The following UBE4B variants were observed in gnomAD, a reference collection of about 807,000 sequenced individuals.
UBE4B encodes the protein ubiquitin conjugation factor E4 B.
UBE4B carries 27 observed loss-of-function variants against 148.1 expected under a neutral mutation model. The observed-to-expected ratio is 0.18, with a 90% CI of 0.13 to 0.25. The LOEUF is 0.25. Ranked by LOEUF, UBE4B falls within the 10% of genes least tolerant of loss-of-function variation. The pLI, the probability that UBE4B is intolerant of heterozygous loss-of-function variation, is 1.00. For synonymous variants in UBE4B, 596 were observed against 619.3 expected (o/e 0.96, Z 0.56); for missense variants, 1,170 against 1,662.4 (o/e 0.70, Z 5.15).
At chr1:10,097,894 G>A (rs1051610383) in intron 3 of UBE4B, among the ~76,000 whole-genome samples, 2 of 151,858 alleles carry the variant, frequency 1.3e-5, no homozygotes, top group East Asian at 1.9e-4. Flanking sequence ...TTTTGGAGAC[G>A]GAGTCTCACT....
At chr1:10,046,019 C>A (rs780211708) in intron 1 of UBE4B, among the ~76,000 whole-genome samples, 1 of 152,186 alleles carries the variant, frequency 6.6e-6, no homozygotes, top group Non-Finnish European at 1.5e-5. Context: ...TCATTAGGAG[C>A]CCAGGTGCCT....
At chr1:10,179,209 T>C (rs1490353223) in intron 26 of UBE4B, 3 of 597,558 alleles carry the variant, frequency 5.0e-6, no homozygotes, top group African/African-American at 1.9e-5. Flanking sequence ...CCCCCAGCAG[T>C]AGCTGACAAA....
At chr1:10,036,681 G>T (rs1001522748) in intron 1 of UBE4B, among the ~76,000 whole-genome samples, 1 of 151,932 alleles carries the variant, frequency 6.6e-6, no homozygotes, top group Admixed American at 6.6e-5. Flanking sequence ...TTGAGGTTAG[G>T]TAAGCAGTTC....
Position 10,168,101 on chromosome 1 carries a change from C to A in UBE4B, c.3199-35C>A. The A allele has an allele frequency of 6.3e-7, 1 of 1,597,458 alleles. No homozygotes were observed. On this transcript the variant is annotated intron_variant, in intron 23 of 27. Coordinates refer to ENST00000343090, the MANE Select transcript of UBE4B (RefSeq NM_001105562.3). This position sits in a 1 kb window ranked among gnomAD's most constrained non-coding sequence, Gnocchi z 4.9. Reference sequence around the variant, plus strand: ...GCTTTGCTGAGCTGATGACCAGGACCGAGCCTTACTCAGCGTCTGTTCGAT... The same window carrying A: ...GCTTTGCTGAGCTGATGACCAGGACAGAGCCTTACTCAGCGTCTGTTCGAT...
intron 5 of UBE4B, among the ~76,000 whole-genome samples, chr1:10,103,840 A>G (rs1264223272): frequency 1.3e-5 from 2 of 151,888 alleles, no homozygotes; most frequent in Admixed American, 1.3e-4. Flanking sequence ...GTTGGCCAGG[A>G]CGGTCTCGAT....
At chr1:10,066,457 A>G (rs1644390310) in intron 1 of UBE4B, among the ~76,000 whole-genome samples, 1 of 151,908 alleles carries the variant, frequency 6.6e-6, no homozygotes, top group Admixed American at 6.6e-5. Flanking sequence ...GAAACTGATG[A>G]ATTTTAGATC....
intron 25 of UBE4B, among the ~76,000 whole-genome samples, chr1:10,173,959 G>A (rs986511598): frequency 3.9e-5 from 6 of 152,188 alleles, no homozygotes; most frequent in African/African-American, 1.4e-4. Context: ...GTGGCCTCTG[G>A]TGGCACCTGG....
rs541514285 is a variant in UBE4B, at chr1:10,135,957, C to G, written c.2224+771C>G. On this transcript the variant is annotated intron_variant, in intron 16 of 27. Coordinates refer to ENST00000343090, the MANE Select transcript of UBE4B (RefSeq NM_001105562.3). ...ATAATTCTACTTTTCAGGTTATATT[C>G]CCAAAGTTGGAGGAAAAAGGAATAA... is the stretch of plus-strand genomic sequence containing the variant. Among the ~76,000 whole-genome samples the G allele has an allele frequency of 9.5e-4, 144 of 151,844 alleles. 1 individual carries two copies. The highest frequency in any genetic ancestry group is 3.7e-3 in the South Asian group (18 of 4,804).
chr1:10,111,038 GTCTCTGACAC>G (rs1645209514), intron 7 of UBE4B, among the ~76,000 whole-genome samples: 2 of 98,478 alleles, frequency 2.0e-5, no homozygotes, highest in South Asian at 3.2e-4. Context: ...GTCTTTCTCT[GTCTCTGACAC>G]ACACACACAC....
At chr1:10,178,876 C>T in intron 26 of UBE4B, 58 bp downstream of exon 26, 3 of 1,526,710 alleles carry the variant, frequency 2.0e-6, no homozygotes, top group Non-Finnish European at 2.6e-6. Context: ...AAATCGATAA[C>T]ATTACAAGAG....
intron 25 of UBE4B, among the ~76,000 whole-genome samples, chr1:10,177,587 T>C (rs1234945141): frequency 6.6e-6 from 1 of 152,116 alleles, no homozygotes; most frequent in Non-Finnish European, 1.5e-5. Flanking sequence ...GCCCAGGAGT[T>C]TGAGGCTGCA....
intron 1 of UBE4B, among the ~76,000 whole-genome samples, chr1:10,036,904 A>C (rs923045613): frequency 3.3e-5 from 5 of 152,216 alleles, no homozygotes; most frequent in African/African-American, 1.2e-4. Context: ...TATTTTAACA[A>C]AATGAAAATG....
intron 21 of UBE4B, 118 bp downstream of exon 21, chr1:10,151,679 G>A (rs116021221): frequency 0.02 from 17,586 of 862,528 alleles, 234 homozygotes; most frequent in Non-Finnish European, 0.026. Flanking sequence ...TGTGTGTATA[G>A]CCTACTAACC....
intron 21 of UBE4B, among the ~76,000 whole-genome samples, chr1:10,156,795 G>A (rs915826970): frequency 5.9e-5 from 9 of 152,130 alleles, no homozygotes; most frequent in African/African-American, 1.9e-4. Context: ...TATGATAGGT[G>A]TTAATTATCT....
chr1:10,088,456 A>C (rs1041571206), intron 2 of UBE4B, among the ~76,000 whole-genome samples: 3 of 151,554 alleles, frequency 2.0e-5, no homozygotes, highest in African/African-American at 7.3e-5. Context: ...TCTCACTGCA[A>C]CTTCCGCCTC....
intron 17 of UBE4B, among the ~76,000 whole-genome samples, chr1:10,144,120 G>C (rs1031433252): frequency 6.6e-6 from 1 of 152,144 alleles, no homozygotes; most frequent in Non-Finnish European, 1.5e-5. Flanking sequence ...TAGGTGATGG[G>C]GAAGCCTTTT....
At chr1:10,061,209 GA>G (rs1212207084) in intron 1 of UBE4B, among the ~76,000 whole-genome samples, 3 of 152,334 alleles carry the variant, frequency 2.0e-5, no homozygotes, top group South Asian at 2.1e-4. Flanking sequence ...GGAGCTATCA[GA>G]AGAGAGGAAC....
intron 1 of UBE4B, among the ~76,000 whole-genome samples, chr1:10,066,871 A>C (rs1477263733): frequency 5.3e-5 from 8 of 152,066 alleles, no homozygotes. Context: ...ACGCTACCGC[A>C]CTCCAACCTG....
rs55936075 is a variant in UBE4B, at chr1:10,111,044, G to GACACACACACACACACACACAC, written c.1196+4489_1196+4510dup. Among the ~76,000 whole-genome samples the GACACACACACACACACACACAC allele has an allele frequency of 1.3e-4, 15 of 113,444 alleles. 1 individual carries two copies. The highest frequency in any genetic ancestry group is 3.9e-4 in the African/African-American group (12 of 30,862). The allele number at this position is 113,444 out of a possible 152,430, so 74.4% of individuals were successfully genotyped here. The stretch of plus-strand genomic sequence containing the variant: ...TCTCTCTCTGTCTTTCTCTGTCTCT[G>GACACACACACACACACACACAC]ACACACACACACACACACACACACA... On this transcript the variant is annotated intron_variant, in intron 7 of 27. Coordinates refer to ENST00000343090, the MANE Select transcript of UBE4B (RefSeq NM_001105562.3).
Sources: gnomAD v4.1 joint callset for allele counts (sites outside exome capture counted in the v4.1 genomes callset) on GRCh38, gnomAD v4.1.1 for gene constraint, Gnocchi (gnomAD v3.1) non-coding constraint, MANE v1.5 for transcripts, NCBI Gene and HGNC (gene_info 2026-07-23, HGNC 2026-07-21) for gene names.